Variants in SEMA6A observed in about 807,000 individuals in gnomAD.
The protein encoded by SEMA6A is semaphorin-6A.
A neutral mutation model predicts 96.8 loss-of-function variants in SEMA6A; 25 were observed. That is an observed-to-expected ratio of 0.26 (90% confidence interval 0.19 to 0.36). The LOEUF is 0.36. SEMA6A is among the 10% of genes least tolerant of loss of function. SEMA6A has a pLI of 1.00. For synonymous variants in SEMA6A, 612 were observed against 518.0 expected (o/e 1.18, Z -2.46); for missense variants, 1,363 against 1,323.1 (o/e 1.03, Z -0.47).
intron 18 of SEMA6A, among the ~76,000 whole-genome samples, chr5:116,451,284 G>A (rs548955396): frequency 6.6e-6 from 1 of 152,352 alleles, no homozygotes; most frequent in Non-Finnish European, 1.5e-5. Context: ...GAAGTGGTGG[G>A]TTAGTGGCTC....
intron 1 of SEMA6A, among the ~76,000 whole-genome samples, chr5:116,514,128 A>C (rs957801645): frequency 1.3e-5 from 2 of 152,162 alleles, no homozygotes; most frequent in Non-Finnish European, 2.9e-5. Flanking sequence ...AGAACAATTT[A>C]TATTCCTTTG....
chr5:116,483,476 C>A (rs1398930846), intron 10 of SEMA6A, among the ~76,000 whole-genome samples: 1 of 152,146 alleles, frequency 6.6e-6, no homozygotes, highest in African/African-American at 2.4e-5. Flanking sequence ...CACGGGTGCC[C>A]TGCAGTGTGG....
chr5:116,447,127 C>T lies in SEMA6A; in HGVS notation c.2579G>A (p.Ser860Asn). ...CACCCCATGGTTGGGACTCTTGCTG[C>T]TGAGATGTTCCTTGATGGTCTTATA... ...LEYKTIKEHLSSKSPNHGVNL... is the reference protein window; with the variant it reads ...LEYKTIKEHLNSKSPNHGVNL... Residue 860 changes from serine to asparagine, a missense_variant, in exon 19 of 19, where the codon AGC (serine) becomes AAC (asparagine). By Grantham distance (46) the Ser-to-Asn change is conservative. Coordinates refer to ENST00000343348, the MANE Select transcript of SEMA6A (RefSeq NM_020796.5). 1 of 1,613,984 alleles carries T rather than the reference C, an allele frequency of 6.2e-7. No individual in the cohort carries two copies.
intron 1 of SEMA6A, among the ~76,000 whole-genome samples, chr5:116,527,400 A>T (rs894862190): frequency 6.6e-6 from 1 of 152,236 alleles, no homozygotes. Context: ...AAAATAAAAT[A>T]AACTATTCCT....
intron 1 of SEMA6A, among the ~76,000 whole-genome samples, chr5:116,568,397 G>A (rs563651879): frequency 4.6e-5 from 7 of 152,236 alleles, no homozygotes; most frequent in African/African-American, 1.7e-4. Flanking sequence ...TCCAAGTGCA[G>A]GATCCTCAAC....
intron 1 of SEMA6A, among the ~76,000 whole-genome samples, chr5:116,508,789 T>C (rs1561506190): frequency 6.6e-6 from 1 of 152,094 alleles, no homozygotes; most frequent in Non-Finnish European, 1.5e-5. Flanking sequence ...GACGGAAACA[T>C]TCCCACTCCT....
chr5:116,540,493 C>T (rs865961221), intron 1 of SEMA6A, among the ~76,000 whole-genome samples: 6 of 152,196 alleles, frequency 3.9e-5, no homozygotes, highest in Admixed American at 6.5e-5. Context: ...GGCCATTCCT[C>T]CTGGGAAGGC....
At position 116,554,165 on chromosome 5, in the gene SEMA6A, A is replaced by T. The variant is rs181126308; in HGVS notation, c.-39+20020T>A. Among the ~76,000 whole-genome samples, 47 of 152,324 alleles carry T rather than the reference A, an allele frequency of 3.1e-4. No homozygotes were observed. The East Asian group carries it at 9.1e-3, about 29-fold the overall frequency. ...AAAACTACATCCTGCCTTAGAAAGA[A>T]TTATTATTTGCCGGCACATAGATGG... On this transcript the variant is annotated intron_variant, in intron 1 of 18. Transcript: ENST00000343348.
chr5:116,482,613 A>G, intron 10 of SEMA6A, 38 bp from the exon 11 acceptor site: 1 of 1,610,330 alleles, frequency 6.2e-7, no homozygotes, highest in Non-Finnish European at 8.5e-7. Context: ...TTACTCATGC[A>G]ATGGTTATGC....
At chr5:116,545,515 A>G (rs886336679) in intron 1 of SEMA6A, among the ~76,000 whole-genome samples, 1 of 152,078 alleles carries the variant, frequency 6.6e-6, no homozygotes, top group Non-Finnish European at 1.5e-5. Flanking sequence ...GGTTGTAGTG[A>G]GCCGAGATTG....
chr5:116,523,194 T>C (rs192863124), intron 1 of SEMA6A, among the ~76,000 whole-genome samples: 263 of 152,324 alleles, frequency 1.7e-3, no homozygotes, highest in Non-Finnish European at 3.0e-3. Flanking sequence ...CCTCCTTTTT[T>C]GGTTCTCCTT....
intron 18 of SEMA6A, among the ~76,000 whole-genome samples, chr5:116,466,279 G>A (rs1180109323): frequency 6.6e-6 from 1 of 151,418 alleles, no homozygotes; most frequent in Non-Finnish European, 1.5e-5. Flanking sequence ...TTGGGAAGCT[G>A]AGGCAGGGAG....
At position 116,467,766 on chromosome 5, in the gene SEMA6A, C is replaced by G. The variant is rs1385205115; in HGVS notation, c.1730-19G>C. The G allele has an allele frequency of 8.7e-6, 14 of 1,612,642 alleles. No homozygotes were observed. The highest frequency in any genetic ancestry group is 1.2e-5 in the Non-Finnish European group (14 of 1,179,300). The stretch of plus-strand genomic sequence containing the variant: ...GAATGCCCTGTTTTCATCACAAATA[C>G]AGTTAGGAAAACATCACCAGAGAGA... On this transcript the variant is annotated intron_variant, in intron 17 of 18. Coordinates refer to ENST00000343348, the MANE Select transcript of SEMA6A (RefSeq NM_020796.5).
intron 1 of SEMA6A, among the ~76,000 whole-genome samples, chr5:116,532,202 T>C (rs1177521150): frequency 6.6e-6 from 1 of 152,220 alleles, no homozygotes; most frequent in Non-Finnish European, 1.5e-5. Context: ...ACACCATTTC[T>C]TGATGTGATT....
At chr5:116,551,968 G>A (rs1287151386) in intron 1 of SEMA6A, among the ~76,000 whole-genome samples, 1 of 152,188 alleles carries the variant, frequency 6.6e-6, no homozygotes, top group Non-Finnish European at 1.5e-5. Context: ...ATTCTCCTGA[G>A]AACCAGTCAC....
intron 18 of SEMA6A, among the ~76,000 whole-genome samples, chr5:116,458,039 T>G (rs1449227148): frequency 1.3e-5 from 2 of 152,184 alleles, no homozygotes; most frequent in African/African-American, 4.8e-5. Context: ...TTTTGCCCTC[T>G]GTGGACTAGT....
intron 1 of SEMA6A, among the ~76,000 whole-genome samples, chr5:116,516,296 C>T (rs1195907669): frequency 6.6e-6 from 1 of 152,172 alleles, no homozygotes. Context: ...TTCTGTTCAT[C>T]TGTGTATGTC....
At chr5:116,460,768 T>C (rs11241393) in intron 18 of SEMA6A, among the ~76,000 whole-genome samples, 12,127 of 145,814 alleles carry the variant, frequency 0.083, 569 homozygotes, top group Admixed American at 0.12. Context: ...TTTCAGAGGT[T>C]AAAATTGTTA....
At chr5:116,475,861 T>A (rs1298772908) in intron 15 of SEMA6A, among the ~76,000 whole-genome samples, 1 of 152,254 alleles carries the variant, frequency 6.6e-6, no homozygotes, top group Non-Finnish European at 1.5e-5. Context: ...GCAGATTATT[T>A]ACATCCTTCT....
Sources: gnomAD v4.1 joint callset for allele counts (sites outside exome capture counted in the v4.1 genomes callset) on GRCh38, gnomAD v4.1.1 for gene constraint, MANE v1.5 for transcripts, NCBI Gene and HGNC (gene_info 2026-07-23, HGNC 2026-07-21) for gene names.